The following BRINP2 variants were observed in gnomAD, a reference collection of about 807,000 sequenced individuals.
The protein encoded by BRINP2 is BMP/retinoic acid inducible neural specific 2.
A neutral mutation model predicts 69.2 loss-of-function variants in BRINP2; 21 were observed. The ratio of observed to expected loss-of-function variants is 0.30; its 90% CI spans 0.22 to 0.44. The LOEUF (loss-of-function observed/expected upper bound fraction) is 0.44, where lower values mean the gene tolerates loss of function less well. BRINP2 is among the 20% of genes least tolerant of loss of function. The pLI is 1.00. For synonymous variants in BRINP2, 380 were observed against 394.1 expected (o/e 0.96, Z 0.42); for missense variants, 877 against 986.0 (o/e 0.89, Z 1.48).
chr1:177,257,127 G>T, intron 3 of BRINP2, 49 bp from the exon 4 acceptor site: 1 of 1,607,004 alleles, frequency 6.2e-7, no homozygotes, highest in East Asian at 2.2e-5. Flanking sequence ...ATTGGTAGGG[G>T]ATTCGAGAGC....
chr1:177,186,229 T>C (rs1237860021), intron 1 of BRINP2, among the ~76,000 whole-genome samples: 1 of 152,152 alleles, frequency 6.6e-6, no homozygotes, highest in Non-Finnish European at 1.5e-5. Flanking sequence ...GAGGTATCCC[T>C]GAAGGGGCAA....
At chr1:177,197,472 T>A (rs1305637580) in intron 1 of BRINP2, among the ~76,000 whole-genome samples, 2 of 151,976 alleles carry the variant, frequency 1.3e-5, no homozygotes, top group African/African-American at 4.8e-5. Flanking sequence ...TCATATCAGA[T>A]CCTAATCTGA....
chr1:177,280,856 G>A lies in BRINP2; in HGVS notation c.1680G>A (p.Lys560=). Residue 560 remains lysine, a synonymous_variant, in exon 8 of 8, where the codon AAG becomes AAA. Transcript: ENST00000361539. The part of the protein sequence containing the change: ...MLLTLKSNKY[K]PGLVHVMLAL... Reference sequence around the variant, plus strand: ...TCACCCTGAAGAGCAACAAGTACAAGCCTGGGCTGGTGCACGTGATGTTGG... The same window carrying A: ...TCACCCTGAAGAGCAACAAGTACAAACCTGGGCTGGTGCACGTGATGTTGG... The A allele has an allele frequency of 6.2e-7, 1 of 1,614,130 alleles. No individual in the cohort carries two copies.
intron 1 of BRINP2, among the ~76,000 whole-genome samples, chr1:177,207,198 C>G (rs1400747754): frequency 6.6e-6 from 1 of 152,136 alleles, no homozygotes; most frequent in Non-Finnish European, 1.5e-5. Context: ...TATTGATTTA[C>G]TAATGGCCTT....
intron 1 of BRINP2, among the ~76,000 whole-genome samples, chr1:177,222,312 T>C (rs1649561071): frequency 6.6e-6 from 1 of 151,814 alleles, no homozygotes; most frequent in Admixed American, 6.6e-5. Context: ...CACCTTTTTT[T>C]CTTTTTCTTT....
intron 1 of BRINP2, among the ~76,000 whole-genome samples, chr1:177,199,063 C>T: frequency 6.6e-6 from 1 of 152,110 alleles, no homozygotes; most frequent in East Asian, 1.9e-4. Context: ...AAAAAGCCAC[C>T]CTTCAAGATT....
In BRINP2 at chr1:177,281,808, G is replaced by A. The variant is rs1296291541; in HGVS notation, c.*280G>A. 6.7e-6 allele frequency: 2 copies of A among 296,858 alleles called. No homozygotes were observed. Among genetic ancestry groups the A allele is most frequent in the African/African-American group, 4.3e-5 (2 of 46,112 alleles). The allele number at this position is 296,858 out of a possible 1,614,324, so 18.4% of individuals were successfully genotyped here. A position where few individuals can be genotyped will look rare whatever the true frequency, so the allele number is the denominator to read the frequency against. ...TTGATTGGTGCTTTCTAAAATGAAT[G>A]CAATTGAAAGAAAGGAGCCAAGGAA... On this transcript the variant is annotated 3_prime_UTR_variant, in exon 8 of 8. Coordinates refer to ENST00000361539, the MANE Select transcript of BRINP2 (RefSeq NM_021165.4).
chr1:177,238,236 C>T (rs1650088914), intron 2 of BRINP2, among the ~76,000 whole-genome samples: 3 of 152,234 alleles, frequency 2.0e-5, no homozygotes, highest in African/African-American at 7.2e-5. Context: ...GTGAGAGGAG[C>T]TTGGCTCCCA....
intron 1 of BRINP2, among the ~76,000 whole-genome samples, chr1:177,229,238 G>C (rs1649790598): frequency 6.6e-6 from 1 of 152,176 alleles, no homozygotes; most frequent in Non-Finnish European, 1.5e-5. Context: ...ATTAAACCCA[G>C]AGAAGGAAGT....
intron 4 of BRINP2, among the ~76,000 whole-genome samples, chr1:177,272,368 C>G (rs777935618): frequency 4.1e-4 from 62 of 152,214 alleles, no homozygotes; most frequent in Non-Finnish European, 7.3e-5. Flanking sequence ...GCACACACCT[C>G]CCTACCCTGA....
chr1:177,263,041 A>G (rs1215378937), intron 4 of BRINP2, among the ~76,000 whole-genome samples: 4 of 152,228 alleles, frequency 2.6e-5, no homozygotes, highest in Admixed American at 2.0e-4. Context: ...AAAAGAGGGA[A>G]GAGAGTTGAG....
intron 1 of BRINP2, among the ~76,000 whole-genome samples, chr1:177,224,764 T>C (rs1193258612): frequency 6.6e-6 from 1 of 152,224 alleles, no homozygotes; most frequent in Admixed American, 6.5e-5. Flanking sequence ...TTTTATTGTT[T>C]GTGCTTCATA....
At chr1:177,260,951 T>C (rs1650929533) in intron 4 of BRINP2, among the ~76,000 whole-genome samples, 2 of 151,720 alleles carry the variant, frequency 1.3e-5, no homozygotes, top group African/African-American at 4.8e-5. Flanking sequence ...GTGGGATGAA[T>C]GGTATGAAGA....
chr1:177,230,500 T>A (rs1649834784), intron 2 of BRINP2, among the ~76,000 whole-genome samples: 1 of 152,152 alleles, frequency 6.6e-6, no homozygotes, highest in Non-Finnish European at 1.5e-5. Context: ...TGGGGCCAGG[T>A]TTTAACTAAT....
intron 1 of BRINP2, among the ~76,000 whole-genome samples, chr1:177,224,585 G>T (rs1032454057): frequency 2.0e-5 from 3 of 151,746 alleles, no homozygotes; most frequent in Admixed American, 6.6e-5. Context: ...AGTGGCAAAG[G>T]CTCCTTTTTT....
intron 1 of BRINP2, among the ~76,000 whole-genome samples, chr1:177,193,313 T>C (rs1006810016): frequency 2.0e-5 from 3 of 152,194 alleles, no homozygotes; most frequent in South Asian, 2.1e-4. Context: ...CAATAATAAA[T>C]GCCTGCATTT....
chr1:177,281,077 G>A lies in BRINP2; in HGVS notation c.1901G>A (p.Arg634Lys). The part of the protein sequence containing the change: ...CQNWTITLGN[R>K]WKTFFETVHV... ...AACTGGACTATCACCTTGGGGAATA[G>A]GTGGAAGACTTTCTTTGAGACAGTT... Residue 634 changes from arginine to lysine, a missense_variant, in exon 8 of 8, where the codon AGG becomes AAG. Coordinates refer to ENST00000361539, the MANE Select transcript of BRINP2 (RefSeq NM_021165.4). The A allele has an allele frequency of 1.9e-6, 3 of 1,614,242 alleles. No individual in the cohort carries two copies. The highest frequency in any genetic ancestry group is 2.5e-6 in the Non-Finnish European group (3 of 1,180,048).
At chr1:177,235,648 T>C (rs1366170525) in intron 2 of BRINP2, among the ~76,000 whole-genome samples, 1 of 152,086 alleles carries the variant, frequency 6.6e-6, no homozygotes, top group African/African-American at 2.4e-5. Flanking sequence ...AAATACTGAT[T>C]TGGATAAACA....
intron 1 of BRINP2, among the ~76,000 whole-genome samples, chr1:177,225,742 A>G (rs892727601): frequency 2.6e-5 from 4 of 152,234 alleles, no homozygotes; most frequent in Non-Finnish European, 4.4e-5. Context: ...TCCATTTTTA[A>G]AAGGTAAAGG....
Sources: allele counts gnomAD v4.1 joint callset (sites outside exome capture counted in the v4.1 genomes callset), GRCh38; gene constraint gnomAD v4.1.1; transcripts MANE v1.5; gene names NCBI Gene and HGNC (gene_info 2026-07-23, HGNC 2026-07-21).